The following STAB2 variants were observed in gnomAD, a reference collection of about 807,000 sequenced individuals.
STAB2 encodes the protein stabilin-2.
STAB2 carries 288 observed loss-of-function variants against 338.1 expected under a neutral mutation model. That is an observed-to-expected ratio of 0.85 (90% confidence interval 0.77 to 0.94). STAB2 has a LOEUF of 0.94. Among genes scored for constraint, STAB2 ranks in the 40% least tolerant of loss-of-function variants. STAB2 has a pLI of 0.00. For missense variants in STAB2, 3,141 were observed against 3,210.1 expected (o/e 0.98, Z 0.52); for synonymous variants, 1,202 against 1,193.3 (o/e 1.01, Z -0.15).
At chr12:103,669,232 T>C (rs1204581213) in intron 20 of STAB2, 3 of 342,158 alleles carry the variant, frequency 8.8e-6, no homozygotes, top group Admixed American at 4.4e-5. Flanking sequence ...AATGATCTTG[T>C]TTTACTGTTT....
chr12:103,663,571 C>T (rs1013729883), intron 18 of STAB2, among the ~76,000 whole-genome samples: 2 of 152,220 alleles, frequency 1.3e-5, no homozygotes, highest in South Asian at 4.2e-4. Context: ...TGGTCTCAAA[C>T]TCCTGGACTT....
chr12:103,679,374 A>C (rs1271359394), intron 25 of STAB2, among the ~76,000 whole-genome samples: 5 of 152,084 alleles, frequency 3.3e-5, no homozygotes, highest in Admixed American at 3.3e-4. Context: ...GTATCAAAAA[A>C]GAAAAAAAAA....
chr12:103,676,076 T>C, intron 24 of STAB2, 55 bp downstream of exon 24: 1 of 1,344,354 alleles, frequency 7.4e-7, no homozygotes, highest in Non-Finnish European at 1.0e-6. Flanking sequence ...TTTTTTTTTT[T>C]TTTGAGACAG....
chr12:103,631,466 TAAAAG>T (rs1178155502), intron 5 of STAB2, 127 bp from the exon 6 acceptor site: 1 of 759,380 alleles, frequency 1.3e-6, no homozygotes, highest in Non-Finnish European at 2.1e-6. Flanking sequence ...CTGGTGCTGA[TAAAAG>T]AGAGAGGAGC....
chr12:103,757,823 G>A (rs55766192), intron 63 of STAB2: 2,731 of 262,738 alleles, frequency 0.01, 27 homozygotes, highest in Non-Finnish European at 0.016. Context: ...TTTGGGCCTC[G>A]TGAGCTGTTA....
intron 3 of STAB2, among the ~76,000 whole-genome samples, chr12:103,600,366 T>A (rs1188857593): frequency 6.6e-6 from 1 of 152,214 alleles, no homozygotes; most frequent in Non-Finnish European, 1.5e-5. Context: ...GATCTCTTAG[T>A]CAGCTACAGT....
chr12:103,603,253 G>A (rs1022462382), intron 3 of STAB2, among the ~76,000 whole-genome samples: 4 of 152,054 alleles, frequency 2.6e-5, no homozygotes, highest in Admixed American at 6.5e-5. Flanking sequence ...TGTATTTTTA[G>A]TAGAGACGGG....
intron 25 of STAB2, among the ~76,000 whole-genome samples, chr12:103,677,978 C>T (rs985396129): frequency 2.7e-4 from 41 of 152,160 alleles, no homozygotes; most frequent in African/African-American, 7.5e-4. Flanking sequence ...TGGAGGACAA[C>T]GCAGAGAAGG....
chr12:103,645,504 G>C (rs1447884561), intron 9 of STAB2, among the ~76,000 whole-genome samples: 1 of 152,138 alleles, frequency 6.6e-6, no homozygotes, highest in Admixed American at 6.5e-5. Context: ...GTTTGTAAAG[G>C]TTACATGTCT....
At chr12:103,728,164 G>A (rs1014995066) in intron 47 of STAB2, among the ~76,000 whole-genome samples, 1 of 152,196 alleles carries the variant, frequency 6.6e-6, no homozygotes, top group Non-Finnish European at 1.5e-5. Flanking sequence ...TTGATTGTTT[G>A]TTTTTGAGAC....
intron 2 of STAB2, 108 bp downstream of exon 2, chr12:103,591,138 A>C: frequency 1.4e-6 from 2 of 1,456,508 alleles, no homozygotes; most frequent in Non-Finnish European, 1.9e-6. Flanking sequence ...TAAGACAATA[A>C]GCCCAAACTT....
chr12:103,631,326 G>A (rs1374895049), intron 5 of STAB2, among the ~76,000 whole-genome samples: 1 of 151,994 alleles, frequency 6.6e-6, no homozygotes, highest in African/African-American at 2.4e-5. Flanking sequence ...AATAGTTTGA[G>A]AGCAGGGAAA....
intron 68 of STAB2, chr12:103,763,954 C>T: frequency 5.5e-6 from 1 of 180,390 alleles, no homozygotes; most frequent in Non-Finnish European, 1.1e-5. Flanking sequence ...AGGTGCAAAA[C>T]AAGATGGAAA....
intron 15 of STAB2, chr12:103,657,610 AC>A (rs1216347693): frequency 6.6e-6 from 1 of 152,232 alleles, no homozygotes; most frequent in African/African-American, 2.4e-5. Flanking sequence ...TACTTACACC[AC>A]AAAAATGGTT....
chr12:103,723,329 G>A (rs1220705293), intron 44 of STAB2, among the ~76,000 whole-genome samples: 1 of 152,228 alleles, frequency 6.6e-6, no homozygotes, highest in African/African-American at 2.4e-5. Flanking sequence ...GTCTCACATG[G>A]TGGCAGATAA....
chr12:103,761,784 T>TG (rs1187827028), intron 66 of STAB2, among the ~76,000 whole-genome samples: 1 of 152,154 alleles, frequency 6.6e-6, no homozygotes, highest in Non-Finnish European at 1.5e-5. Context: ...GCCTCCCTCC[T>TG]GGGTTTTGGG....
intron 18 of STAB2, 144 bp from the exon 19 acceptor site, chr12:103,666,147 G>C: frequency 1.4e-6 from 1 of 716,904 alleles, no homozygotes; most frequent in Admixed American, 2.2e-5. Context: ...GAGTCGGTGT[G>C]GGGAGGGGGT....
chr12:103,753,396 G>A (rs749890959), intron 61 of STAB2, 43 bp downstream of exon 61: 26 of 1,613,194 alleles, frequency 1.6e-5, no homozygotes, highest in Non-Finnish European at 1.9e-5. Context: ...AGAGTCTGCA[G>A]GGGCGGAAGT....
At chr12:103,644,554 TA>T (rs1256990920) in intron 9 of STAB2, among the ~76,000 whole-genome samples, 1 of 147,886 alleles carries the variant, frequency 6.8e-6, no homozygotes, top group African/African-American at 2.5e-5. Context: ...AATAAATAAA[TA>T]AATAAATAAA....
Sources: allele counts gnomAD v4.1 joint callset (sites outside exome capture counted in the v4.1 genomes callset), GRCh38; gene constraint gnomAD v4.1.1; transcripts MANE v1.5; gene names NCBI Gene and HGNC (gene_info 2026-07-23, HGNC 2026-07-21).